The following DIAPH3 variants were observed in gnomAD, a reference collection of about 807,000 sequenced individuals.
DIAPH3 encodes the protein diaphanous related formin 3, also known as protein diaphanous homolog 3.
In DIAPH3, 117 loss-of-function variants were observed where a neutral mutation model predicts 144.3. That is an observed-to-expected ratio of 0.81 (90% confidence interval 0.70 to 0.95). The LOEUF (loss-of-function observed/expected upper bound fraction) is 0.95, where lower values mean the gene tolerates loss of function less well. Ranked by LOEUF, DIAPH3 falls within the 40% of genes least tolerant of loss-of-function variation. DIAPH3 has a pLI of 0.00. For missense variants in DIAPH3, 1,421 were observed against 1,412.7 expected (o/e 1.01, Z -0.09); for synonymous variants, 519 against 488.9 (o/e 1.06, Z -0.81).
intron 17 of DIAPH3, among the ~76,000 whole-genome samples, chr13:59,932,815 C>A (rs1386735212): frequency 6.6e-6 from 1 of 151,962 alleles, no homozygotes; most frequent in African/African-American, 2.4e-5. Context: ...AGCAGAACTG[C>A]CTAAGAGAGA....
At chr13:59,999,297 A>G (rs2052389528) in intron 9 of DIAPH3, among the ~76,000 whole-genome samples, 1 of 152,202 alleles carries the variant, frequency 6.6e-6, no homozygotes, top group Non-Finnish European at 1.5e-5. Flanking sequence ...AACTATTTAT[A>G]TAATGATAAA....
chr13:59,777,220 G>A (rs774872702), intron 25 of DIAPH3, among the ~76,000 whole-genome samples: 1 of 152,162 alleles, frequency 6.6e-6, no homozygotes, highest in Non-Finnish European at 1.5e-5. Flanking sequence ...ATAGTGATAT[G>A]TTGAAAAGAC....
At chr13:60,083,893 C>A (rs2057650123) in intron 4 of DIAPH3, among the ~76,000 whole-genome samples, 1 of 149,490 alleles carries the variant, frequency 6.7e-6, no homozygotes, top group South Asian at 2.1e-4. Flanking sequence ...CAGAGCAAGA[C>A]CCTATGGATG....
At chr13:59,905,768 A>G (rs1050928855) in intron 20 of DIAPH3, among the ~76,000 whole-genome samples, 15 of 152,210 alleles carry the variant, frequency 9.9e-5, no homozygotes, top group Non-Finnish European at 1.5e-5. Flanking sequence ...TGCCAAAAAT[A>G]GAAGTCAGAG....
intron 5 of DIAPH3, among the ~76,000 whole-genome samples, chr13:60,034,159 AT>A (rs900440099): frequency 3.3e-5 from 5 of 152,230 alleles, no homozygotes; most frequent in Non-Finnish European, 7.3e-5. Flanking sequence ...AATTTCTCTC[AT>A]TGAAAATATT....
At chr13:59,983,705 C>A in intron 13 of DIAPH3, 64 bp downstream of exon 13, 2 of 1,131,660 alleles carry the variant, frequency 1.8e-6, no homozygotes, top group Non-Finnish European at 2.7e-6. Flanking sequence ...AGAACCAATG[C>A]CCTAGAGCTC....
chr13:59,792,408 A>C (rs2039374786), intron 25 of DIAPH3, among the ~76,000 whole-genome samples: 1 of 152,196 alleles, frequency 6.6e-6, no homozygotes, highest in African/African-American at 2.4e-5. Flanking sequence ...CAATTGAGTC[A>C]GTCTTCCTCA....
At chr13:59,717,942 T>TAATC (rs555270130) in intron 27 of DIAPH3, among the ~76,000 whole-genome samples, 40 of 152,320 alleles carry the variant, frequency 2.6e-4, no homozygotes, top group Non-Finnish European at 5.4e-4. Context: ...AACTTATTTC[T>TAATC]AATCACCTAT....
intron 25 of DIAPH3, among the ~76,000 whole-genome samples, chr13:59,806,942 A>G (rs1285312938): frequency 2.0e-5 from 3 of 151,876 alleles, no homozygotes; most frequent in Non-Finnish European, 4.4e-5. Flanking sequence ...TAAGTGCTAA[A>G]TTAGATACAC....
intron 7 of DIAPH3, 139 bp downstream of exon 7, chr13:60,015,774 C>A (rs1299502456): frequency 1.2e-6 from 1 of 800,790 alleles, no homozygotes; most frequent in African/African-American, 1.7e-5. Flanking sequence ...ACAGTTGAAA[C>A]TAGAATTCAA....
chr13:59,726,418 C>T (rs550557918), intron 27 of DIAPH3, among the ~76,000 whole-genome samples: 26 of 152,254 alleles, frequency 1.7e-4, no homozygotes, highest in Admixed American at 6.5e-4. Context: ...GGGCAGCCAT[C>T]GGTCCCAGAC....
intron 21 of DIAPH3, among the ~76,000 whole-genome samples, chr13:59,878,909 A>T (rs899601866): frequency 1.3e-5 from 2 of 152,154 alleles, no homozygotes; most frequent in African/African-American, 4.8e-5. Flanking sequence ...CAGGTATCTG[A>T]ACTGAGTAAG....
intron 24 of DIAPH3, among the ~76,000 whole-genome samples, chr13:59,823,029 C>T (rs1470380024): frequency 6.6e-6 from 1 of 151,884 alleles, no homozygotes; most frequent in Non-Finnish European, 1.5e-5. Context: ...TTTTTATTCT[C>T]ACTACCGTAT....
At chr13:59,715,596 T>C (rs1159460011) in intron 27 of DIAPH3, among the ~76,000 whole-genome samples, 1 of 151,902 alleles carries the variant, frequency 6.6e-6, no homozygotes, top group African/African-American at 2.4e-5. Flanking sequence ...CTGACCATTA[T>C]AATGTTCTTT....
chr13:59,710,424 T>C (rs1046479592), intron 27 of DIAPH3, among the ~76,000 whole-genome samples: 1 of 152,114 alleles, frequency 6.6e-6, no homozygotes, highest in Non-Finnish European at 1.5e-5. Flanking sequence ...CAACAAATTA[T>C]AAAGCTGAAA....
At chr13:59,789,469 T>C (rs796618692) in intron 25 of DIAPH3, among the ~76,000 whole-genome samples, 12 of 152,204 alleles carry the variant, frequency 7.9e-5, no homozygotes, top group African/African-American at 2.7e-4. Flanking sequence ...TTTTTCCTTA[T>C]GAAGTTTTTG....
intron 25 of DIAPH3, among the ~76,000 whole-genome samples, chr13:59,778,304 T>G (rs926950957): frequency 6.6e-6 from 1 of 152,222 alleles, no homozygotes; most frequent in Non-Finnish European, 1.5e-5. Context: ...CAATGTTATA[T>G]TGTTTATGTG....
chr13:59,798,330 G>A (rs2039719904), intron 25 of DIAPH3, among the ~76,000 whole-genome samples: 2 of 152,108 alleles, frequency 1.3e-5, no homozygotes, highest in African/African-American at 4.8e-5. Flanking sequence ...CCCTTGAAAT[G>A]TGCCTACAAA....
chr13:59,919,241 A>G (rs1443790970), intron 18 of DIAPH3, among the ~76,000 whole-genome samples: 4 of 152,134 alleles, frequency 2.6e-5, no homozygotes, highest in African/African-American at 9.7e-5. Flanking sequence ...ACATTGTAGA[A>G]AACTTATTTT....
Sources: gnomAD v4.1 joint callset for allele counts (sites outside exome capture counted in the v4.1 genomes callset) on GRCh38, gnomAD v4.1.1 for gene constraint, MANE v1.5 for transcripts, NCBI Gene and HGNC (gene_info 2026-07-23, HGNC 2026-07-21) for gene names.